RALYL: variants seen among roughly 807,000 people sequenced by gnomAD.
RALYL encodes the protein RALY RNA binding protein like.
A neutral mutation model predicts 35.1 loss-of-function variants in RALYL; 29 were observed. The observed-to-expected ratio is 0.83, with a 90% CI of 0.61 to 1.13. The LOEUF is 1.13. Among genes scored for constraint, RALYL ranks in the 50% most tolerant of loss-of-function variants. The pLI is 0.00. For synonymous variants in RALYL, 120 were observed against 127.6 expected (o/e 0.94, Z 0.40); for missense variants, 359 against 360.4 (o/e 1.00, Z 0.03).
At chr8:84,821,666 C>A (rs571958314) in intron 4 of RALYL, among the ~76,000 whole-genome samples, 1 of 152,214 alleles carries the variant, frequency 6.6e-6, no homozygotes, top group African/African-American at 2.4e-5. Context: ...CTTTTCAATG[C>A]TTTTAATGAC....
chr8:84,350,421 T>G (rs1850675337), intron 1 of RALYL, among the ~76,000 whole-genome samples: 1 of 150,700 alleles, frequency 6.6e-6, no homozygotes, highest in Admixed American at 6.6e-5. Flanking sequence ...GCCTATGAAT[T>G]TAGTTTGCTT....
intron 1 of RALYL, among the ~76,000 whole-genome samples, chr8:84,226,016 C>T (rs2131367866): frequency 6.6e-6 from 1 of 152,200 alleles, no homozygotes; most frequent in South Asian, 2.1e-4. Flanking sequence ...GTTCCCAATC[C>T]CTGGCTGTGG....
At chr8:84,698,171 G>A (rs750078567) in intron 2 of RALYL, among the ~76,000 whole-genome samples, 8 of 151,944 alleles carry the variant, frequency 5.3e-5, no homozygotes, top group Non-Finnish European at 4.4e-5. Context: ...CTTGAACCTC[G>A]GTTCCCTTAT....
At chr8:84,347,529 C>A (rs181270146) in intron 1 of RALYL, among the ~76,000 whole-genome samples, 28 of 152,116 alleles carry the variant, frequency 1.8e-4, no homozygotes, top group African/African-American at 5.8e-4. Flanking sequence ...AGGTTAATAT[C>A]CTGTTCTTCT....
chr8:84,193,177 G>T (rs1267509354), intron 1 of RALYL, among the ~76,000 whole-genome samples: 2 of 152,040 alleles, frequency 1.3e-5, no homozygotes, highest in African/African-American at 4.8e-5. Flanking sequence ...GAAGTTTAAT[G>T]TTAAATTGTG....
intron 2 of RALYL, among the ~76,000 whole-genome samples, chr8:84,720,499 A>C (rs1843693654): frequency 6.6e-6 from 1 of 152,154 alleles, no homozygotes; most frequent in Admixed American, 6.6e-5. Flanking sequence ...TAAAAAATTA[A>C]CTCAAAATGT....
At chr8:84,755,874 A>T (rs1311716597) in intron 2 of RALYL, among the ~76,000 whole-genome samples, 5 of 71,778 alleles carry the variant, frequency 7.0e-5, no homozygotes, top group Non-Finnish European at 1.1e-4. Flanking sequence ...GGCATATTGT[A>T]AAAAAAAAAA....
intron 1 of RALYL, among the ~76,000 whole-genome samples, chr8:84,409,108 G>A (rs898170762): frequency 6.6e-6 from 1 of 151,920 alleles, no homozygotes; most frequent in Non-Finnish European, 1.5e-5. Context: ...AAGATTAGAA[G>A]CCATGTCCAC....
At chr8:84,911,741 T>C (rs549253833) in intron 8 of RALYL, among the ~76,000 whole-genome samples, 137 of 152,276 alleles carry the variant, frequency 9.0e-4, no homozygotes, top group African/African-American at 2.8e-3. Context: ...CTACTGGCTA[T>C]AAATCAAGGT....
intron 1 of RALYL, among the ~76,000 whole-genome samples, chr8:84,235,572 A>T (rs1412345913): frequency 6.6e-6 from 1 of 152,222 alleles, no homozygotes; most frequent in Non-Finnish European, 1.5e-5. Context: ...TATATAAATC[A>T]TAGAAGAAGA....
intron 2 of RALYL, among the ~76,000 whole-genome samples, chr8:84,664,681 T>C (rs1023752001): frequency 1.3e-5 from 2 of 152,006 alleles, no homozygotes; most frequent in African/African-American, 4.8e-5. Flanking sequence ...TGATTTTGTA[T>C]ATGAGACTTT....
chr8:84,410,584 T>C (rs2043998181), intron 1 of RALYL, among the ~76,000 whole-genome samples: 1 of 151,904 alleles, frequency 6.6e-6, no homozygotes, highest in South Asian at 2.1e-4. Context: ...AGTTAAAATA[T>C]CAGGACATTA....
chr8:84,313,677 C>T (rs117133488), intron 1 of RALYL, among the ~76,000 whole-genome samples: 3,751 of 152,252 alleles, frequency 0.025, 97 homozygotes, highest in Non-Finnish European at 0.031. Flanking sequence ...GCAAGAGTCA[C>T]CTTTGCTTCA....
chr8:84,913,842 G>C (rs1387806459), intron 8 of RALYL, among the ~76,000 whole-genome samples: 1 of 151,620 alleles, frequency 6.6e-6, no homozygotes, highest in Non-Finnish European at 1.5e-5. Flanking sequence ...AAAAAAAGGA[G>C]GGTTATGTAT....
chr8:84,507,563 A>G (rs1184892544), intron 1 of RALYL, among the ~76,000 whole-genome samples: 1 of 152,146 alleles, frequency 6.6e-6, no homozygotes, highest in Admixed American at 6.6e-5. Context: ...GCCATCAAGT[A>G]TAAATTGTCA....
At chr8:84,540,603 T>C (rs1237654967) in intron 2 of RALYL, among the ~76,000 whole-genome samples, 1 of 152,022 alleles carries the variant, frequency 6.6e-6, no homozygotes, top group South Asian at 2.1e-4. Flanking sequence ...TCTATGTTCA[T>C]GATAAACTAT....
chr8:84,752,900 AG>A (rs1245594012), intron 2 of RALYL, among the ~76,000 whole-genome samples: 1 of 152,168 alleles, frequency 6.6e-6, no homozygotes, highest in African/African-American at 2.4e-5. Context: ...AACCTCTACT[AG>A]GACAGTGTAA....
chr8:84,476,123 A>G (rs1564314), intron 1 of RALYL, among the ~76,000 whole-genome samples: 53,132 of 152,036 alleles, frequency 0.35, 9,594 homozygotes, highest in South Asian at 0.52. Context: ...AACATTTCAT[A>G]AGGAAAATTG....
At chr8:84,901,908 G>C (rs1400068064) in intron 8 of RALYL, among the ~76,000 whole-genome samples, 3 of 152,122 alleles carry the variant, frequency 2.0e-5, no homozygotes, top group African/African-American at 7.2e-5. Context: ...CTTAGCATAG[G>C]TAAATAAGCA....
Sources: allele counts gnomAD v4.1 joint callset (sites outside exome capture counted in the v4.1 genomes callset), GRCh38; gene constraint gnomAD v4.1.1; transcripts MANE v1.5; gene names NCBI Gene and HGNC (gene_info 2026-07-23, HGNC 2026-07-21).